TTF2: variants seen among roughly 807,000 people sequenced by gnomAD.
TTF2 encodes the protein transcription termination factor 2, also known as RNA polymerase II termination factor.
TTF2 carries 108 observed loss-of-function variants against 142.4 expected under a neutral mutation model. The ratio of observed to expected loss-of-function variants is 0.76; its 90% confidence interval spans 0.65 to 0.89. The LOEUF (loss-of-function observed/expected upper bound fraction) is 0.89. TTF2 is among the 40% of genes least tolerant of loss of function. The pLI, the probability that TTF2 is intolerant of heterozygous loss-of-function variation, is 0.00. For missense variants in TTF2, 1,327 were observed against 1,379.8 expected (o/e 0.96, Z 0.61); for synonymous variants, 483 against 506.2 (o/e 0.95, Z 0.61).
At chr1:117,064,770 T>C (rs1018701473) in intron 3 of TTF2, among the ~76,000 whole-genome samples, 4 of 151,586 alleles carry the variant, frequency 2.6e-5, no homozygotes, top group African/African-American at 9.7e-5. Context: ...CTACACATCT[T>C]GGCCTCCCAA....
At chr1:117,065,262 G>A (rs1655995270) in intron 3 of TTF2, among the ~76,000 whole-genome samples, 1 of 152,262 alleles carries the variant, frequency 6.6e-6, no homozygotes, top group Admixed American at 6.5e-5. Flanking sequence ...TCAATTTGGA[G>A]AGAATTGTCA....
Position 117,090,284 on chromosome 1 carries a change from C to A in TTF2, c.2496+76C>A. The A allele has an allele frequency of 6.5e-7, 1 of 1,546,230 alleles. No homozygotes were observed. The highest frequency in any genetic ancestry group is 8.7e-7 in the Non-Finnish European group (1 of 1,146,726). On this transcript the variant is annotated intron_variant, in intron 14 of 22. Coordinates refer to ENST00000369466, the MANE Select transcript of TTF2 (RefSeq NM_003594.4). The surrounding 1 kb of genome is among the most constrained non-coding windows in gnomAD (Gnocchi z 4.8). ...TGTGTCCTTGTCTTGGGTTGAACAG[C>A]CATCTGCTTTGCTTCAGGAGCCTCT...
Position 117,085,686 on chromosome 1 carries a change from T to C in TTF2, c.2055-731T>C, listed in dbSNP as rs1647937207. On this transcript the variant is annotated intron_variant, in intron 11 of 22. Coordinates refer to ENST00000369466, the MANE Select transcript of TTF2 (RefSeq NM_003594.4). This position sits in a 1 kb window ranked among gnomAD's most constrained non-coding sequence, Gnocchi z 4.7. ...TAAATACTTTATTTTATTTTATTATTTTATTTACTTTTGAGACAGGATAGA... is the reference window on the plus strand; with the variant it reads ...TAAATACTTTATTTTATTTTATTATCTTATTTACTTTTGAGACAGGATAGA... Among the ~76,000 whole-genome samples the C allele has an allele frequency of 6.6e-6, 1 of 152,136 alleles. No individual in the cohort carries two copies. The highest frequency in any genetic ancestry group is 6.5e-5 in the Admixed American group (1 of 15,270).
Position 117,076,874 on chromosome 1 carries a change from C to A in TTF2, c.1573+51C>A, listed in dbSNP as rs777131325. 1.3e-6 allele frequency: 2 copies of A among 1,532,960 alleles called. No homozygotes were observed. Among genetic ancestry groups the A allele is most frequent in the Non-Finnish European group, 1.8e-6 (2 of 1,132,078 alleles). The allele number at this position is 1,532,960 out of a possible 1,614,324, so 95.0% of individuals were successfully genotyped here. A position where few individuals can be genotyped will look rare whatever the true frequency, so the allele number is the denominator to read the frequency against. On this transcript the variant is annotated intron_variant, in intron 7 of 22. Coordinates refer to ENST00000369466, the MANE Select transcript of TTF2 (RefSeq NM_003594.4). The surrounding 1 kb of genome is among the most constrained non-coding windows in gnomAD (Gnocchi z 4.6). Reference sequence around the variant, plus strand: ...TGTGAATAGCCACCCCTGTGAGTTACGTGCCACCCGGTACAGTAGTCACCT... The same window carrying A: ...TGTGAATAGCCACCCCTGTGAGTTAAGTGCCACCCGGTACAGTAGTCACCT...
intron 19 of TTF2, 27 bp from the exon 20 acceptor site, chr1:117,096,122 A>T: frequency 6.2e-7 from 1 of 1,612,964 alleles, no homozygotes; most frequent in Non-Finnish European, 8.5e-7. Flanking sequence ...ATGTTAGGGT[A>T]TTTTTTTATT....
In TTF2 at chr1:117,097,220, A is replaced by G. The variant is rs377557300; in HGVS notation, c.3187-131A>G. ...CATTATAATGTTAAAAAAAAAAACA[A>G]TTTATAACAGCAGAAGGAAATTTGA... is the stretch of plus-strand genomic sequence containing the variant. On this transcript the variant is annotated intron_variant, in intron 20 of 22. Transcript: ENST00000369466. This position sits in a 1 kb window ranked among gnomAD's most constrained non-coding sequence, Gnocchi z 4.1. 2.6e-6 allele frequency: 2 copies of G among 778,742 alleles called. No individual in the cohort carries two copies. The highest frequency in any genetic ancestry group is 1.8e-5 in the African/African-American group (1 of 57,044). 48.2% of individuals were successfully genotyped at this position (778,742 alleles called of 1,614,324 possible).
intron 16 of TTF2, 149 bp downstream of exon 16, chr1:117,091,559 G>C: frequency 3.4e-6 from 3 of 889,488 alleles, no homozygotes; most frequent in Non-Finnish European, 5.0e-6. Flanking sequence ...TCTACTGATT[G>C]CAAACACGAG....
chr1:117,067,345 A>G (rs1656219847), intron 3 of TTF2, among the ~76,000 whole-genome samples: 1 of 152,022 alleles, frequency 6.6e-6, no homozygotes, highest in Non-Finnish European at 1.5e-5. Flanking sequence ...CAGCCTGGCC[A>G]TCATGGTGAA....
chr1:117,061,224 T>C (rs1655659723), intron 2 of TTF2, among the ~76,000 whole-genome samples: 1 of 150,320 alleles, frequency 6.7e-6, no homozygotes, highest in Admixed American at 6.6e-5. Context: ...ATCCCGTCTC[T>C]ACGAAAAATT....
Position 117,097,657 on chromosome 1 carries a change from C to A in TTF2, c.3269+224C>A, listed in dbSNP as rs369267057. Among the ~76,000 whole-genome samples, 1 of 152,188 alleles carries A rather than the reference C, an allele frequency of 6.6e-6. No homozygotes were observed. The highest frequency in any genetic ancestry group is 1.9e-4 in the East Asian group (1 of 5,198). On this transcript the variant is annotated intron_variant, in intron 21 of 22. Coordinates refer to ENST00000369466, the MANE Select transcript of TTF2 (RefSeq NM_003594.4). The surrounding 1 kb of genome is among the most constrained non-coding windows in gnomAD (Gnocchi z 4.1). Reference sequence around the variant, plus strand: ...CTTCAAATGACTACTCAAAATAGTTCATTCACGTTATTGTTAGTCTAACAT... The same window carrying A: ...CTTCAAATGACTACTCAAAATAGTTAATTCACGTTATTGTTAGTCTAACAT...
At chr1:117,065,375 G>A (rs1377361252) in intron 3 of TTF2, among the ~76,000 whole-genome samples, 1 of 152,182 alleles carries the variant, frequency 6.6e-6, no homozygotes, top group Admixed American at 6.5e-5. Context: ...AAGGCGGGCG[G>A]ATCACGAGGT....
chr1:117,096,166 G>A lies in TTF2; in HGVS notation c.3053G>A (p.Trp1018Ter). Residue 1018 changes from tryptophan (W) to a stop codon, truncating the protein, a stop_gained, in exon 20 of 23, where the codon TGG becomes TAG. Transcript: ENST00000369466. LOFTEE classifies it high-confidence loss of function. ...CTTTCCAGTGTCATTGTCTCTCAGT[G>A]GACCAACATGCTGAAAGTTGTAGCA... is the stretch of plus-strand genomic sequence containing the variant. The part of the protein sequence containing the change: ...ASQKSVIVSQ[W>*]TNMLKVVALH... 6.2e-7 allele frequency: 1 copy of A among 1,613,908 alleles called. No individual in the cohort carries two copies. The highest frequency in any genetic ancestry group is 8.5e-7 in the Non-Finnish European group (1 of 1,179,942).
In TTF2 at chr1:117,062,499, G is replaced by A. The variant is rs369059430; in HGVS notation, c.218+26G>A. On this transcript the variant is annotated intron_variant, in intron 3 of 22. Coordinates refer to ENST00000369466, the MANE Select transcript of TTF2 (RefSeq NM_003594.4). ...GTAAGGGTCCAAAAGGAACATCTAA[G>A]TGTATTTGCTTTTTTTTTTTTTTCT... is the stretch of plus-strand genomic sequence containing the variant. 24 of 1,546,096 alleles carry A rather than the reference G, an allele frequency of 1.6e-5. No homozygotes were observed. In the African/African-American group the frequency reaches 3.1e-4, roughly 20 times the overall value.
In TTF2 at chr1:117,070,033, G is replaced by A. The variant is rs1036488670; in HGVS notation, c.219-3628G>A. Among the ~76,000 whole-genome samples the A allele has an allele frequency of 2.6e-5, 4 of 152,122 alleles. No homozygotes were observed. The highest frequency in any genetic ancestry group is 9.7e-5 in the African/African-American group (4 of 41,422). On this transcript the variant is annotated intron_variant, in intron 3 of 22. Coordinates refer to ENST00000369466, the MANE Select transcript of TTF2 (RefSeq NM_003594.4). This position sits in a 1 kb window ranked among gnomAD's most constrained non-coding sequence, Gnocchi z 4.2. ...TTGTTGATTTACAATATAATAAAAC[G>A]TAACAAACAAACTTATTATCCTAAA...
chr1:117,062,290 G>A (rs1486439022), intron 2 of TTF2, 97 bp from the exon 3 acceptor site: 4 of 1,095,216 alleles, frequency 3.7e-6, no homozygotes, highest in South Asian at 1.5e-5. Flanking sequence ...GTTATACATA[G>A]ATTCTTGGTG....
At position 117,086,473 on chromosome 1, in the gene TTF2, C is replaced by T. The variant is rs928775228; in HGVS notation, c.2111C>T (p.Pro704Leu). 2 of 1,614,046 alleles carry T rather than the reference C, an allele frequency of 1.2e-6. No individual in the cohort carries two copies. The highest frequency in any genetic ancestry group is 8.5e-7 in the Non-Finnish European group (1 of 1,179,994). Residue 704 changes from proline to leucine, a missense_variant, in exon 12 of 23, where the codon CCC (proline) becomes CTC (leucine). Transcript: ENST00000369466. This position sits in a 1 kb window ranked among gnomAD's most constrained non-coding sequence, Gnocchi z 4.2. ...TTYSLVAKEIPTNKQEAEIPG... is the reference protein window; with the variant it reads ...TTYSLVAKEILTNKQEAEIPG... ...TATAGCCTCGTGGCCAAGGAGATTCCCACAAACAAGCAAGAGGCAGAGATC... is the reference window on the plus strand; with the variant it reads ...TATAGCCTCGTGGCCAAGGAGATTCTCACAAACAAGCAAGAGGCAGAGATC...
chr1:117,102,761 A>G lies in TTF2; in HGVS notation c.*1237A>G, dbSNP rs1048377047. The G allele has an allele frequency of 6.6e-6, 1 of 150,678 alleles. No homozygotes were observed. Among genetic ancestry groups the G allele is most frequent in the Non-Finnish European group, 1.5e-5 (1 of 68,012 alleles). 9.3% of individuals were successfully genotyped at this position (150,678 alleles called of 1,614,324 possible). ...AATCCAATCCAATACTAATAATACT[A>G]TTGGTACAATCCAATACTAATAATA... On this transcript the variant is annotated 3_prime_UTR_variant, in exon 23 of 23. Transcript: ENST00000369466.
rs1210774722 is a variant in TTF2 at position 117,073,034 on chromosome 1, A to G, written c.219-627A>G. 6.6e-6 allele frequency among the ~76,000 whole-genome samples: 1 copy of G among 152,240 alleles called. No homozygotes were observed. Among genetic ancestry groups the G allele is most frequent in the African/African-American group, 2.4e-5 (1 of 41,458 alleles). On this transcript the variant is annotated intron_variant, in intron 3 of 22. Transcript: ENST00000369466. This position sits in a 1 kb window ranked among gnomAD's most constrained non-coding sequence, Gnocchi z 4.4. Reference sequence around the variant, plus strand: ...ATCCAAATAAGGTTCACAAATTGGAATTGATTAATATGTCTTTTAAGTCTC... The same window carrying G: ...ATCCAAATAAGGTTCACAAATTGGAGTTGATTAATATGTCTTTTAAGTCTC...
In TTF2 at chr1:117,085,795, A is replaced by G. The variant is rs1049242981; in HGVS notation, c.2055-622A>G. On this transcript the variant is annotated intron_variant, in intron 11 of 22. Transcript: ENST00000369466. This position sits in a 1 kb window ranked among gnomAD's most constrained non-coding sequence, Gnocchi z 4.7. ...CTCACAATATTAAGCTTCACTGGAA[A>G]AAGATTTGTGTTTCTCATTAATAAT... 5.9e-5 allele frequency among the ~76,000 whole-genome samples: 9 copies of G among 152,222 alleles called. No individual in the cohort carries two copies. The highest frequency in any genetic ancestry group is 2.2e-4 in the African/African-American group (9 of 41,444).
Sources: gnomAD v4.1 joint callset for allele counts (sites outside exome capture counted in the v4.1 genomes callset) on GRCh38, gnomAD v4.1.1 for gene constraint, Gnocchi (gnomAD v3.1) non-coding constraint, MANE v1.5 for transcripts, NCBI Gene and HGNC (gene_info 2026-07-23, HGNC 2026-07-21) for gene names.